The following RPTOR variants were observed in gnomAD, a reference collection of about 807,000 sequenced individuals.
RPTOR encodes the protein regulatory associated protein of MTOR complex 1.
A neutral mutation model predicts 169.9 loss-of-function variants in RPTOR; 21 were observed. That is an observed-to-expected ratio of 0.12 (90% confidence interval 0.09 to 0.18). The LOEUF (loss-of-function observed/expected upper bound fraction) is 0.18. RPTOR is among the 10% of genes least tolerant of loss of function. RPTOR has a pLI of 1.00. For synonymous variants in RPTOR, 732 were observed against 753.2 expected (o/e 0.97, Z 0.46); for missense variants, 1,133 against 1,855.9 (o/e 0.61, Z 7.16).
chr17:80,704,678 A>T (rs2066129204), intron 3 of RPTOR, among the ~76,000 whole-genome samples: 1 of 152,226 alleles, frequency 6.6e-6, no homozygotes, highest in Non-Finnish European at 1.5e-5. Context: ...CTGTCAGTAA[A>T]AATCTGAGTA....
At chr17:80,828,811 T>G (rs1252078537) in intron 9 of RPTOR, among the ~76,000 whole-genome samples, 1 of 152,170 alleles carries the variant, frequency 6.6e-6, no homozygotes, top group Non-Finnish European at 1.5e-5. Flanking sequence ...ATAACTCTAC[T>G]ACCTAACAGA....
intron 17 of RPTOR, among the ~76,000 whole-genome samples, chr17:80,886,989 C>T (rs921395812): frequency 6.6e-6 from 1 of 152,060 alleles, no homozygotes; most frequent in African/African-American, 2.4e-5. Flanking sequence ...GTGCCTGCAT[C>T]GGAGCGGGAA....
At chr17:80,665,398 C>A (rs1341561784) in intron 3 of RPTOR, among the ~76,000 whole-genome samples, 112 of 6,976 alleles carry the variant, frequency 0.016, 2 homozygotes, top group Middle Eastern at 0.042. Flanking sequence ...CTTTCCTTTC[C>A]TTTCCTTTCC....
chr17:80,554,868 A>C (rs1378915535), intron 1 of RPTOR, among the ~76,000 whole-genome samples: 1 of 152,238 alleles, frequency 6.6e-6, no homozygotes, highest in African/African-American at 2.4e-5. Context: ...ACCTGAGACA[A>C]GTGACAAGAT....
chr17:80,605,970 G>C (rs2065225544), intron 1 of RPTOR, among the ~76,000 whole-genome samples: 1 of 152,116 alleles, frequency 6.6e-6, no homozygotes, highest in South Asian at 2.1e-4. Context: ...GGTGAATCAA[G>C]TGTGGTGGTG....
At chr17:80,799,008 C>T (rs977432372) in intron 7 of RPTOR, among the ~76,000 whole-genome samples, 3 of 152,118 alleles carry the variant, frequency 2.0e-5, no homozygotes, top group Non-Finnish European at 4.4e-5. Flanking sequence ...ACATCTGTGC[C>T]GGCATGACCT....
intron 11 of RPTOR, among the ~76,000 whole-genome samples, chr17:80,851,247 T>C (rs1247120451): frequency 6.6e-6 from 1 of 152,208 alleles, no homozygotes; most frequent in Non-Finnish European, 1.5e-5. Context: ...AATCTTTAGT[T>C]TGGGCTACCA....
At chr17:80,681,056 G>T (rs1004534070) in intron 3 of RPTOR, among the ~76,000 whole-genome samples, 1 of 152,108 alleles carries the variant, frequency 6.6e-6, no homozygotes, top group Non-Finnish European at 1.5e-5. Context: ...TTCAAGGCAT[G>T]CATGGGTTTG....
At chr17:80,931,114 G>T (rs117759321) in intron 24 of RPTOR, among the ~76,000 whole-genome samples, 1 of 152,190 alleles carries the variant, frequency 6.6e-6, no homozygotes, top group African/African-American at 2.4e-5. Flanking sequence ...GGCCTCAAGC[G>T]TATGGGAAAT....
rs1479994551 is a variant in RPTOR, at chr17:80,760,300, C to CTTTTTTTT, written c.830+6121_830+6122insTTTTTTTT. On this transcript the variant is annotated intron_variant, in intron 6 of 33. Transcript: ENST00000306801. ...GTGTTCCAGTCGAGCTTTCTTTTTT[C>CTTTTTTTT]TTTTTTCTTTTTTTTTTTTTTGAGA... is the stretch of plus-strand genomic sequence containing the variant. 6.7e-3 allele frequency among the ~76,000 whole-genome samples: 644 copies of CTTTTTTTT among 96,332 alleles called. 12 individuals are homozygous for CTTTTTTTT. The highest frequency in any genetic ancestry group is 0.013 in the Middle Eastern group (2 of 156). 63.2% of individuals were successfully genotyped at this position (96,332 alleles called of 152,430 possible).
Position 80,633,568 on chromosome 17 carries a change from C to T in RPTOR, c.265+7775C>T, listed in dbSNP as rs567035265. On this transcript the variant is annotated intron_variant, in intron 2 of 33. Coordinates refer to ENST00000306801, the MANE Select transcript of RPTOR (RefSeq NM_020761.3). This position sits in a 1 kb window ranked among gnomAD's most constrained non-coding sequence, Gnocchi z 4.1. ...ATCACGCAGAGCTGCCTGCTTCACGCGGGCTGCACCAGGTGATGCGGGGCT... is the reference window on the plus strand; with the variant it reads ...ATCACGCAGAGCTGCCTGCTTCACGTGGGCTGCACCAGGTGATGCGGGGCT... 9.0e-4 allele frequency among the ~76,000 whole-genome samples: 137 copies of T among 152,356 alleles called. No individual in the cohort carries two copies. The highest frequency in any genetic ancestry group is 3.4e-4 in the Non-Finnish European group (23 of 68,036).
At chr17:80,772,098 G>A (rs1442813814) in intron 6 of RPTOR, among the ~76,000 whole-genome samples, 1 of 152,192 alleles carries the variant, frequency 6.6e-6, no homozygotes, top group African/African-American at 2.4e-5. Flanking sequence ...TGGGATTACA[G>A]GCCTGACACT....
chr17:80,884,024 G>A (rs2143840557), intron 16 of RPTOR, 52 bp downstream of exon 16: 2 of 1,569,458 alleles, frequency 1.3e-6, no homozygotes, highest in East Asian at 2.3e-5. Flanking sequence ...CGACTGCGGG[G>A]GTAAGGCAGA....
intron 2 of RPTOR, among the ~76,000 whole-genome samples, chr17:80,629,213 G>A (rs2065420601): frequency 1.3e-5 from 2 of 151,208 alleles, no homozygotes; most frequent in Admixed American, 1.3e-4. Flanking sequence ...GTCGGACATA[G>A]TACCACAGCT....
chr17:80,886,683 C>T (rs2589128), intron 17 of RPTOR, among the ~76,000 whole-genome samples: 7 of 152,200 alleles, frequency 4.6e-5, no homozygotes, highest in Non-Finnish European at 1.0e-4. Context: ...GGCACTGAGA[C>T]GAAGCTCCCC....
intron 1 of RPTOR, among the ~76,000 whole-genome samples, chr17:80,551,318 A>AC (rs1198186840): frequency 2.0e-5 from 3 of 152,098 alleles, no homozygotes; most frequent in Non-Finnish European, 2.9e-5. Flanking sequence ...AAATAAGGGG[A>AC]CCCAGGGAAC....
intron 5 of RPTOR, among the ~76,000 whole-genome samples, chr17:80,735,033 A>G (rs2066423341): frequency 2.6e-5 from 4 of 152,180 alleles, no homozygotes; most frequent in Admixed American, 2.6e-4. Flanking sequence ...TCTAGGAACC[A>G]ATGCCCTGTG....
rs761182877 is a variant in RPTOR at position 80,822,187 on chromosome 17, C to G, written c.891-14C>G. The G allele has an allele frequency of 1.2e-5, 20 of 1,613,074 alleles. No individual in the cohort carries two copies. The East Asian group carries it at 4.2e-4, about 34-fold the overall frequency. ...GCTGTGGCATCACTCATGAGAACGCCCCTTGTTTTCTAGGATCCCTGGCCG... is the reference window on the plus strand; with the variant it reads ...GCTGTGGCATCACTCATGAGAACGCGCCTTGTTTTCTAGGATCCCTGGCCG... On this transcript the variant is annotated splice_polypyrimidine_tract_variant and intron_variant, in intron 7 of 33. Coordinates refer to ENST00000306801, the MANE Select transcript of RPTOR (RefSeq NM_020761.3).
intron 21 of RPTOR, among the ~76,000 whole-genome samples, chr17:80,919,737 C>A (rs567716897): frequency 6.6e-6 from 1 of 152,210 alleles, no homozygotes; most frequent in Non-Finnish European, 1.5e-5. Flanking sequence ...GCTGAGCATT[C>A]GACTGTTAGC....
Sources: allele counts gnomAD v4.1 joint callset (sites outside exome capture counted in the v4.1 genomes callset), GRCh38; gene constraint gnomAD v4.1.1; non-coding constraint Gnocchi (gnomAD v3.1); transcripts MANE v1.5; gene names NCBI Gene and HGNC (gene_info 2026-07-23, HGNC 2026-07-21).